Variants in PDZD7 observed in about 807,000 individuals in gnomAD.
PDZD7 encodes PDZ domain containing 7.
In PDZD7, 72 loss-of-function variants were observed where a neutral mutation model predicts 84.7. The ratio of observed to expected loss-of-function variants is 0.85; its 90% CI spans 0.70 to 1.03. PDZD7 has a LOEUF of 1.03. PDZD7 is among the 50% of genes least tolerant of loss of function. PDZD7 has a pLI of 0.00. For synonymous variants in PDZD7, 594 were observed against 580.7 expected (o/e 1.02, Z -0.33); for missense variants, 1,490 against 1,412.9 (o/e 1.05, Z -0.87).
chr10:101,022,041 C>G, intron 5 of PDZD7, 96 bp from the exon 6 acceptor site: 1 of 1,569,854 alleles, frequency 6.4e-7, no homozygotes. Flanking sequence ...CTGCACCAGT[C>G]AAGGTCCTTG....
At chr10:101,015,960 CCCACCAATG>C in intron 10 of PDZD7, 149 bp from the exon 11 acceptor site, 2 of 830,134 alleles carry the variant, frequency 2.4e-6, no homozygotes. Flanking sequence ...CAGCAACCTG[CCCACCAATG>C]CAGCACAAAC....
chr10:101,025,680 TG>T (rs1342189303), intron 2 of PDZD7, among the ~76,000 whole-genome samples: 2 of 151,766 alleles, frequency 1.3e-5, no homozygotes, highest in Non-Finnish European at 2.9e-5. Context: ...CCCGAGTAGC[TG>T]GGACTACAGG....
In PDZD7 at chr10:101,019,052, C is replaced by T. The variant is rs779994503; in HGVS notation, c.1094G>A (p.Arg365Gln). ...CTCCGTCTGCATGGCTGTGTCCGCC[C>T]GCCCCCAGCCTGGGCCGCGGCTGCC... ...EPGSRGPGWGRADTAMQTEPD... is the reference protein window; with the variant it reads ...EPGSRGPGWGQADTAMQTEPD... The change falls in exon 8 of 17, where the codon CGG becomes CAG. Residue 365 changes from arginine (R) to glutamine (Q), a missense_variant. Coordinates refer to ENST00000619208, the MANE Select transcript of PDZD7 (RefSeq NM_001195263.2). 10 of 1,576,088 alleles carry T rather than the reference C, an allele frequency of 6.3e-6. No individual in the cohort carries two copies. In the Admixed American group the frequency reaches 1.4e-4, roughly 23 times the overall value.
In PDZD7 at chr10:101,019,059, A is replaced by T; in HGVS notation, c.1087T>A (p.Trp363Arg). The T allele has an allele frequency of 6.3e-7, 1 of 1,577,886 alleles. No individual in the cohort carries two copies. The highest frequency in any genetic ancestry group is 8.6e-7 in the Non-Finnish European group (1 of 1,167,490). ...QEEPGSRGPGWGRADTAMQTE... is the reference protein window; with the variant it reads ...QEEPGSRGPGRGRADTAMQTE... ...TGCATGGCTGTGTCCGCCCGCCCCC[A>T]GCCTGGGCCGCGGCTGCCGGGCTCC... The change falls in exon 8 of 17, where the codon TGG (tryptophan) becomes AGG (arginine). Residue 363 changes from tryptophan (W) to arginine (R), a missense_variant. Physicochemically the swap from Trp to Arg is moderately radical, Grantham distance 101. Transcript: ENST00000619208.
chr10:101,025,770 A>AGACAGAG (rs1937654521), intron 2 of PDZD7, among the ~76,000 whole-genome samples: 1 of 149,658 alleles, frequency 6.7e-6, no homozygotes, highest in African/African-American at 2.5e-5. Context: ...GATTGTTTTG[A>AGACAGAG]TCTCCTGACC....
At chr10:101,008,978 G>A in intron 16 of PDZD7, 128 bp from the exon 17 acceptor site, 1 of 1,218,836 alleles carries the variant, frequency 8.2e-7, no homozygotes, top group South Asian at 1.6e-5. Flanking sequence ...TGGAGGGGAT[G>A]GACAATGAGA....
chr10:101,013,758 G>C (rs934334611), intron 11 of PDZD7, among the ~76,000 whole-genome samples: 13 of 152,170 alleles, frequency 8.5e-5, no homozygotes, highest in Admixed American at 6.5e-4. Flanking sequence ...TCGAATGTGA[G>C]AGCCAAAGAC....
chr10:101,030,284 C>A lies in PDZD7; in HGVS notation c.-65G>T, dbSNP rs1045356655. On this transcript the variant is annotated 5_prime_UTR_variant, in exon 2 of 17. Coordinates refer to ENST00000619208, the MANE Select transcript of PDZD7 (RefSeq NM_001195263.2). Reference sequence around the variant, plus strand: ...AATCTGCTAGCTCTGGAGAGGCCAGCCCTGCGTGCTTCGAGCTCCATGAGC... The same window carrying A: ...AATCTGCTAGCTCTGGAGAGGCCAGACCTGCGTGCTTCGAGCTCCATGAGC... 1.4e-6 allele frequency: 2 copies of A among 1,420,976 alleles called. No homozygotes were observed. The highest frequency in any genetic ancestry group is 2.8e-5 in the African/African-American group (2 of 71,044). 88.0% of individuals were successfully genotyped at this position (1,420,976 alleles called of 1,614,324 possible). A position where few individuals can be genotyped will look rare whatever the true frequency, so the allele number is the denominator to read the frequency against.
chr10:101,017,313 A>G (rs1012140747), intron 9 of PDZD7: 4 of 315,558 alleles, frequency 1.3e-5, no homozygotes, highest in Non-Finnish European at 2.3e-5. Context: ...GGAGGGGGAC[A>G]GATGTCTGAT....
chr10:101,027,858 G>T (rs1822529089), intron 2 of PDZD7, among the ~76,000 whole-genome samples: 1 of 152,200 alleles, frequency 6.6e-6, no homozygotes, highest in South Asian at 2.1e-4. Context: ...ATAAGTGAAA[G>T]AATAAATGGA....
chr10:101,029,950 C>T (rs1012573249), intron 2 of PDZD7, 44 bp downstream of exon 2: 1 of 1,453,154 alleles, frequency 6.9e-7, no homozygotes, highest in Middle Eastern at 2.4e-4. Flanking sequence ...GTCCCCTACC[C>T]CCACCCTCCC....
In PDZD7 at chr10:101,019,183, G is replaced by T. The variant is rs932953368; in HGVS notation, c.963C>A (p.Ala321=). The T allele has an allele frequency of 5.2e-6, 8 of 1,536,518 alleles. No homozygotes were observed. The highest frequency in any genetic ancestry group is 7.0e-6 in the Non-Finnish European group (8 of 1,147,188). The stretch of plus-strand genomic sequence containing the variant: ...AAGAGACGCTGGAGCTGCTCTCAGA[G>T]GCCGGGGACAGCTGCTGCAGCACCC... ...SNGVLQQLSP[A]SESSSSVSSC... The change falls in exon 8 of 17, where the codon GCC becomes GCA. Residue 321 remains alanine (A), a synonymous_variant. Coordinates refer to ENST00000619208, the MANE Select transcript of PDZD7 (RefSeq NM_001195263.2).
At position 101,008,720 on chromosome 10, in the gene PDZD7, G is replaced by A. The variant is rs1403552198; in HGVS notation, c.2849C>T (p.Pro950Leu). The A allele has an allele frequency of 6.5e-7, 1 of 1,535,998 alleles. No individual in the cohort carries two copies. The highest frequency in any genetic ancestry group is 2.4e-5 in the East Asian group (1 of 40,892). The change falls in exon 17 of 17, where the codon CCC becomes CTC. Residue 950 changes from proline (P) to leucine (L), a missense_variant. Pro to Leu is a moderately conservative substitution (Grantham distance 98). Coordinates refer to ENST00000619208, the MANE Select transcript of PDZD7 (RefSeq NM_001195263.2). The stretch of plus-strand genomic sequence containing the variant: ...GGGTGAGGGCCGTGGGCTGGGCCCG[G>A]GGACCCTGACCACAAGCTCCATGGG... Reference protein sequence around the residue: ...REPMELVVRVPGPSPRPSPSD... With the variant: ...REPMELVVRVLGPSPRPSPSD...
At position 101,023,454 on chromosome 10, in the gene PDZD7, G is replaced by A. The variant is rs1374193971; in HGVS notation, c.524C>T (p.Ser175Phe). 2 of 1,614,044 alleles carry A rather than the reference G, an allele frequency of 1.2e-6. No homozygotes were observed. The highest frequency in any genetic ancestry group is 1.7e-6 in the Non-Finnish European group (2 of 1,180,020). Residue 175 changes from serine (S) to phenylalanine (F), a missense_variant, in exon 4 of 17, where the codon TCC becomes TTC. By Grantham distance (155) the Ser-to-Phe change is radical. Coordinates refer to ENST00000619208, the MANE Select transcript of PDZD7 (RefSeq NM_001195263.2). ...TGCTCACCACGTGGTCTTCTCCTTG[G>A]AGAACTTGATGCCCGGCACACGGCC... ...RMGRVPGIKFSKEKTTWVDVV... is the reference protein window; with the variant it reads ...RMGRVPGIKFFKEKTTWVDVV...
At chr10:101,029,265 C>A (rs1349348579) in intron 2 of PDZD7, among the ~76,000 whole-genome samples, 1 of 152,204 alleles carries the variant, frequency 6.6e-6, no homozygotes, top group East Asian at 1.9e-4. Flanking sequence ...TGACAGCTCA[C>A]CCCTGCCACC....
At chr10:101,023,853 A>G (rs1222281010) in intron 3 of PDZD7, 75 bp downstream of exon 3, 2 of 1,608,594 alleles carry the variant, frequency 1.2e-6, no homozygotes, top group South Asian at 1.1e-5. Context: ...TGTCCCTGAC[A>G]GCAGCATCCC....
chr10:101,010,920 C>CCCTCTCCAGACTGGACCA (rs1852374676), intron 14 of PDZD7, 37 bp from the exon 15 acceptor site: 1 of 1,533,440 alleles, frequency 6.5e-7, no homozygotes, highest in Non-Finnish European at 8.7e-7. Context: ...CCCACTCCTC[C>CCCTCTCCAGACTGGACCA]CCTCTCCAGG....
Position 101,010,645 on chromosome 10 carries a change from A to AG in PDZD7, c.2243dup (p.Asn749Ter). The AG allele has an allele frequency of 6.8e-7, 1 of 1,460,348 alleles. No individual in the cohort carries two copies. Among genetic ancestry groups the AG allele is most frequent in the Non-Finnish European group, 9.0e-7 (1 of 1,105,396 alleles). 90.5% of individuals were successfully genotyped at this position (1,460,348 alleles called of 1,614,324 possible). A position where few individuals can be genotyped will look rare whatever the true frequency, so the allele number is the denominator to read the frequency against. ...TCAGGGGTTCTGTCAGCAGCCAGTT[A>AG]GGCCGCAGGGGCCGGGGAGCCACGG... On this transcript the variant is annotated frameshift_variant, in exon 15 of 17. Coordinates refer to ENST00000619208, the MANE Select transcript of PDZD7 (RefSeq NM_001195263.2). LOFTEE classifies it high-confidence loss of function.
chr10:101,012,066 A>C (rs772636582), intron 12 of PDZD7, 50 bp from the exon 13 acceptor site: 54 of 1,541,060 alleles, frequency 3.5e-5, no homozygotes, highest in Non-Finnish European at 4.0e-5. Flanking sequence ...GCAGGATTTC[A>C]GTTCCGGAGG....
Sources: allele counts gnomAD v4.1 joint callset (sites outside exome capture counted in the v4.1 genomes callset), GRCh38; gene constraint gnomAD v4.1.1; transcripts MANE v1.5; gene names NCBI Gene and HGNC (gene_info 2026-07-23, HGNC 2026-07-21).